The following ADCY5 variants were observed in gnomAD, a reference collection of about 807,000 sequenced individuals.
The protein encoded by ADCY5 is adenylate cyclase type 5.
In ADCY5, 30 loss-of-function variants were observed where a neutral mutation model predicts 119.7. That is an observed-to-expected ratio of 0.25 (90% CI 0.19 to 0.34). The LOEUF is 0.34. Among genes scored for constraint, ADCY5 ranks in the 10% least tolerant of loss-of-function variants. ADCY5 has a pLI of 1.00. For synonymous variants in ADCY5, 753 were observed against 762.2 expected (o/e 0.99, Z 0.20); for missense variants, 1,324 against 1,775.2 (o/e 0.75, Z 4.57).
rs1576518891 is a variant in ADCY5, at chr3:123,286,426, A to T, written c.3657+259T>A. ...CAGCTCGGCCTCTACAATCAGATCCACTCCCAGCAGCCCCCAGTCCCTTCC... is the reference window on the plus strand; with the variant it reads ...CAGCTCGGCCTCTACAATCAGATCCTCTCCCAGCAGCCCCCAGTCCCTTCC... On this transcript the variant is annotated intron_variant, in intron 20 of 20. Transcript: ENST00000462833. The surrounding 1 kb of genome is among the most constrained non-coding windows in gnomAD (Gnocchi z 4.2). Among the ~76,000 whole-genome samples the T allele has an allele frequency of 6.6e-6, 1 of 151,814 alleles. No homozygotes were observed. Among genetic ancestry groups the T allele is most frequent in the Non-Finnish European group, 1.5e-5 (1 of 67,928 alleles).
chr3:123,294,371 A>G (rs768619364), intron 17 of ADCY5, among the ~76,000 whole-genome samples: 11 of 152,236 alleles, frequency 7.2e-5, no homozygotes, highest in Non-Finnish European at 1.3e-4. Context: ...CTCTCTTTCC[A>G]TAAAGTGCTA....
Position 123,367,893 on chromosome 3 carries a change from T to C in ADCY5, c.1135-15312A>G, listed in dbSNP as rs570343116. On this transcript the variant is annotated intron_variant, in intron 1 of 20. Transcript: ENST00000462833. ...AAGAGAAAATGAAACTGCCACCAAGTGCTTACCTTACCTCCAACTGAGTGC... is the reference window on the plus strand; with the variant it reads ...AAGAGAAAATGAAACTGCCACCAAGCGCTTACCTTACCTCCAACTGAGTGC... The C allele has an allele frequency of 7.8e-6, 12 of 1,530,944 alleles. No homozygotes were observed. The African/African-American group carries it at 1.7e-4, about 21-fold the overall frequency. The allele number at this position is 1,530,944 out of a possible 1,614,324, so 94.8% of individuals were successfully genotyped here. A position where few individuals can be genotyped will look rare whatever the true frequency, so the allele number is the denominator to read the frequency against.
At chr3:123,299,777 C>T (rs1004705116) in intron 15 of ADCY5, among the ~76,000 whole-genome samples, 1 of 152,262 alleles carries the variant, frequency 6.6e-6, no homozygotes, top group African/African-American at 2.4e-5. Context: ...GCTTGTCCCT[C>T]TGCTCCCACA....
intron 1 of ADCY5, chr3:123,416,377 C>T (rs1030274111): frequency 1.6e-5 from 24 of 1,497,420 alleles, no homozygotes; most frequent in Non-Finnish European, 1.3e-5. Flanking sequence ...TTGGGGAAGA[C>T]ACCAGGCTGC....
At chr3:123,345,995 G>A (rs1942533198) in intron 3 of ADCY5, among the ~76,000 whole-genome samples, 1 of 152,350 alleles carries the variant, frequency 6.6e-6, no homozygotes, top group South Asian at 2.1e-4. Flanking sequence ...GAGAGGACAA[G>A]TTACTTCACC....
intron 1 of ADCY5, among the ~76,000 whole-genome samples, chr3:123,357,947 A>G (rs1223500183): frequency 6.6e-6 from 1 of 152,216 alleles, no homozygotes; most frequent in Non-Finnish European, 1.5e-5. Context: ...CAGTGATCAA[A>G]TAATGAGCCC....
At chr3:123,385,289 ACACG>A (rs964380702) in intron 1 of ADCY5, among the ~76,000 whole-genome samples, 8 of 148,610 alleles carry the variant, frequency 5.4e-5, no homozygotes, top group Admixed American at 2.0e-4. Flanking sequence ...CTGCAGACAC[ACACG>A]CACACACACA....
At chr3:123,330,486 T>C (rs1941710800) in intron 5 of ADCY5, among the ~76,000 whole-genome samples, 2 of 152,238 alleles carry the variant, frequency 1.3e-5, no homozygotes, top group African/African-American at 2.4e-5. Context: ...CTAACCCCTA[T>C]GAGCCCAACC....
intron 1 of ADCY5, among the ~76,000 whole-genome samples, chr3:123,418,411 A>G (rs1313776212): frequency 6.6e-6 from 1 of 152,254 alleles, no homozygotes; most frequent in Non-Finnish European, 1.5e-5. Context: ...AGGTATATTT[A>G]GCTCATGCTT....
chr3:123,413,070 C>T (rs1945096699), intron 1 of ADCY5, among the ~76,000 whole-genome samples: 2 of 152,166 alleles, frequency 1.3e-5, no homozygotes, highest in Admixed American at 6.5e-5. Flanking sequence ...TTCATGACGC[C>T]GGCTCCTCCG....
chr3:123,309,300 T>C (rs1005996717), intron 12 of ADCY5, among the ~76,000 whole-genome samples: 3 of 152,174 alleles, frequency 2.0e-5, no homozygotes, highest in African/African-American at 4.8e-5. Flanking sequence ...TAGCTCCTAC[T>C]TCAGAAAAAG....
intron 1 of ADCY5, among the ~76,000 whole-genome samples, chr3:123,433,986 C>T (rs944276938): frequency 2.0e-4 from 30 of 152,288 alleles, no homozygotes; most frequent in African/African-American, 7.2e-4. Context: ...GAAATGACAA[C>T]CCATTTAATG....
At chr3:123,288,614 A>C (rs1359627786) in intron 19 of ADCY5, among the ~76,000 whole-genome samples, 4 of 152,182 alleles carry the variant, frequency 2.6e-5, no homozygotes, top group Non-Finnish European at 4.4e-5. Flanking sequence ...GGCATTCCAC[A>C]GTTATTTTAT....
At chr3:123,398,149 C>T (rs1176419652) in intron 1 of ADCY5, among the ~76,000 whole-genome samples, 1 of 152,214 alleles carries the variant, frequency 6.6e-6, no homozygotes, top group Non-Finnish European at 1.5e-5. Flanking sequence ...CCTGTGCCCA[C>T]TGCCATGGCA....
intron 15 of ADCY5, 84 bp from the exon 16 acceptor site, chr3:123,297,466 C>T: frequency 7.0e-7 from 1 of 1,433,176 alleles, no homozygotes. Flanking sequence ...CCACGCCCTG[C>T]TCTGCTGTCC....
chr3:123,437,711 C>T (rs1462604989), intron 1 of ADCY5, among the ~76,000 whole-genome samples: 2 of 152,038 alleles, frequency 1.3e-5, no homozygotes, highest in Non-Finnish European at 2.9e-5. Flanking sequence ...GGGAAAGAAA[C>T]ATTTGGGGAA....
intron 1 of ADCY5, among the ~76,000 whole-genome samples, chr3:123,441,327 CAAT>C (rs1372217242): frequency 3.9e-5 from 6 of 152,316 alleles, no homozygotes; most frequent in Admixed American, 3.9e-4. Flanking sequence ...AGTTAAGAAT[CAAT>C]GATGCAGTCA....
At position 123,352,759 on chromosome 3, in the gene ADCY5, G is replaced by A. The variant is rs977561791; in HGVS notation, c.1135-178C>T. 6.6e-6 allele frequency among the ~76,000 whole-genome samples: 1 copy of A among 152,184 alleles called. No individual in the cohort carries two copies. The highest frequency in any genetic ancestry group is 2.4e-5 in the African/African-American group (1 of 41,432). On this transcript the variant is annotated intron_variant, in intron 1 of 20. Transcript: ENST00000462833. This position sits in a 1 kb window ranked among gnomAD's most constrained non-coding sequence, Gnocchi z 4.8. Reference sequence around the variant, plus strand: ...CCGAGCATAATCGATCGGGCTCTCTGATGTCCTCAAAGCCAGAAGTTTGGC... The same window carrying A: ...CCGAGCATAATCGATCGGGCTCTCTAATGTCCTCAAAGCCAGAAGTTTGGC...
In ADCY5 at chr3:123,282,637, TCCTGTGG is replaced by T. The variant is rs1475114845; in HGVS notation, c.*1964_*1970del. On this transcript the variant is annotated 3_prime_UTR_variant, in exon 21 of 21. Transcript: ENST00000462833. ...AACAACAGCTGGAAGAAAGCAGGCCTCCTGTGGCCGACGTCAGGATGGCAATGCAGAA... is the reference window on the plus strand; with the variant it reads ...AACAACAGCTGGAAGAAAGCAGGCCTCCGACGTCAGGATGGCAATGCAGAA... The T allele has an allele frequency of 6.6e-6, 1 of 152,374 alleles. No homozygotes were observed. The highest frequency in any genetic ancestry group is 1.5e-5 in the Non-Finnish European group (1 of 68,152). The allele number at this position is 152,374 out of a possible 1,614,324, so 9.4% of individuals were successfully genotyped here.
Sources: allele counts gnomAD v4.1 joint callset (sites outside exome capture counted in the v4.1 genomes callset), GRCh38; gene constraint gnomAD v4.1.1; non-coding constraint Gnocchi (gnomAD v3.1); transcripts MANE v1.5; gene names NCBI Gene and HGNC (gene_info 2026-07-23, HGNC 2026-07-21).